The following TBC1D22A variants were observed in gnomAD, a reference collection of about 807,000 sequenced individuals.
TBC1D22A encodes the protein putative GTPase activator.
In TBC1D22A, 38 loss-of-function variants were observed where a neutral mutation model predicts 60.2. The observed-to-expected ratio is 0.63, with a 90% CI of 0.49 to 0.83. The LOEUF (loss-of-function observed/expected upper bound fraction) is 0.83, where lower values mean the gene tolerates loss of function less well. Ranked by LOEUF, TBC1D22A falls within the 40% of genes least tolerant of loss-of-function variation. TBC1D22A has a pLI of 0.00. For missense variants in TBC1D22A, 628 were observed against 701.0 expected (o/e 0.90, Z 1.18); for synonymous variants, 302 against 281.7 (o/e 1.07, Z -0.72).
At chr22:46,770,405 G>A (rs987695168) in intron 1 of TBC1D22A, among the ~76,000 whole-genome samples, 4 of 152,222 alleles carry the variant, frequency 2.6e-5, no homozygotes, top group Admixed American at 1.3e-4. Flanking sequence ...GACCCATGCC[G>A]GATTTCTGAC....
intron 7 of TBC1D22A, among the ~76,000 whole-genome samples, chr22:46,900,196 T>A (rs189684230): frequency 6.6e-6 from 1 of 151,390 alleles, no homozygotes; most frequent in Non-Finnish European, 1.5e-5. Flanking sequence ...TTGCCTAGGC[T>A]GCTGGAGTGC....
chr22:47,072,633 C>T (rs1943319809), intron 11 of TBC1D22A, among the ~76,000 whole-genome samples: 1 of 152,232 alleles, frequency 6.6e-6, no homozygotes, highest in Admixed American at 6.5e-5. Context: ...GGCTCTACAT[C>T]CCACACCCTG....
chr22:46,873,751 C>T (rs2067402428), intron 4 of TBC1D22A, among the ~76,000 whole-genome samples: 1 of 152,052 alleles, frequency 6.6e-6, no homozygotes, highest in Non-Finnish European at 1.5e-5. Context: ...ATAATGACCT[C>T]CAGCTCCATC....
intron 4 of TBC1D22A, among the ~76,000 whole-genome samples, chr22:46,800,801 G>A (rs61149518): frequency 3.9e-5 from 6 of 152,244 alleles, no homozygotes; most frequent in African/African-American, 9.6e-5. Flanking sequence ...TGCTATTGAC[G>A]TATATGGTCA....
chr22:47,072,904 G>C (rs1376339865), intron 11 of TBC1D22A, among the ~76,000 whole-genome samples: 4 of 152,256 alleles, frequency 2.6e-5, no homozygotes, highest in African/African-American at 9.6e-5. Context: ...CCCAGCTGCA[G>C]ACAAGGGAGG....
At chr22:46,983,800 A>C (rs938523439) in intron 9 of TBC1D22A, among the ~76,000 whole-genome samples, 3 of 150,894 alleles carry the variant, frequency 2.0e-5, no homozygotes, top group Non-Finnish European at 4.4e-5. Flanking sequence ...TGTTTCTTTC[A>C]GTGGTTTCAT....
At chr22:46,842,232 A>G (rs1448926074) in intron 4 of TBC1D22A, among the ~76,000 whole-genome samples, 1 of 152,274 alleles carries the variant, frequency 6.6e-6, no homozygotes, top group African/African-American at 2.4e-5. Context: ...CTTTGGGGCC[A>G]TTTGAATGAT....
intron 4 of TBC1D22A, among the ~76,000 whole-genome samples, chr22:46,874,516 G>A (rs1427777290): frequency 7.0e-6 from 1 of 142,412 alleles, no homozygotes; most frequent in East Asian, 2.3e-4. Context: ...CTAACGATCA[G>A]TGATGTTGAG....
intron 8 of TBC1D22A, among the ~76,000 whole-genome samples, chr22:46,952,166 C>T (rs1009698262): frequency 3.1e-5 from 4 of 130,718 alleles, no homozygotes; most frequent in Non-Finnish European, 5.2e-5. Flanking sequence ...TTGCAGCCAT[C>T]ATATCCCTCA....
intron 9 of TBC1D22A, among the ~76,000 whole-genome samples, chr22:46,982,673 A>G (rs1324533347): frequency 6.6e-6 from 1 of 152,196 alleles, no homozygotes; most frequent in African/African-American, 2.4e-5. Context: ...TGAACAACGA[A>G]TCGATGTCAT....
intron 4 of TBC1D22A, among the ~76,000 whole-genome samples, chr22:46,877,650 G>A (rs1014050538): frequency 1.3e-5 from 2 of 152,102 alleles, no homozygotes; most frequent in Non-Finnish European, 2.9e-5. Context: ...TTAGATGTCA[G>A]GACTTTGTAT....
chr22:47,054,580 A>G (rs1045717414), intron 11 of TBC1D22A, among the ~76,000 whole-genome samples: 1 of 152,162 alleles, frequency 6.6e-6, no homozygotes, highest in Non-Finnish European at 1.5e-5. Context: ...GCGGCAGCTC[A>G]TTGCTATTCC....
intron 11 of TBC1D22A, among the ~76,000 whole-genome samples, chr22:47,097,321 G>C (rs191844484): frequency 6.6e-6 from 1 of 152,268 alleles, no homozygotes; most frequent in East Asian, 1.9e-4. Context: ...TTTATTAGAA[G>C]TGCATTGAAT....
At chr22:46,945,363 C>T (rs569201922) in intron 8 of TBC1D22A, among the ~76,000 whole-genome samples, 8 of 152,288 alleles carry the variant, frequency 5.3e-5, no homozygotes, top group South Asian at 2.1e-4. Flanking sequence ...GTGGTGGAGG[C>T]GGCAGCTGAC....
intron 8 of TBC1D22A, among the ~76,000 whole-genome samples, chr22:46,970,560 C>T (rs2074007352): frequency 6.6e-6 from 1 of 152,166 alleles, no homozygotes; most frequent in South Asian, 2.1e-4. Flanking sequence ...CTGGTCAATG[C>T]AGGCCCCAGC....
intron 1 of TBC1D22A, among the ~76,000 whole-genome samples, chr22:46,779,686 T>C (rs573318915): frequency 6.6e-6 from 1 of 152,234 alleles, no homozygotes; most frequent in East Asian, 1.9e-4. Flanking sequence ...TTTCCAGAGA[T>C]GTCCGTTTGA....
chr22:47,003,102 C>T (rs2061450529), intron 10 of TBC1D22A, among the ~76,000 whole-genome samples: 1 of 152,096 alleles, frequency 6.6e-6, no homozygotes, highest in Non-Finnish European at 1.5e-5. Context: ...CCAAACTGAG[C>T]AAATAAAAAT....
At chr22:47,082,689 A>C (rs2064518913) in intron 11 of TBC1D22A, among the ~76,000 whole-genome samples, 1 of 152,228 alleles carries the variant, frequency 6.6e-6, no homozygotes, top group Non-Finnish European at 1.5e-5. Flanking sequence ...GTACTACTAC[A>C]CGCCCTCCTT....
chr22:46,810,516 T>A (rs542527767), intron 4 of TBC1D22A, among the ~76,000 whole-genome samples: 6 of 152,350 alleles, frequency 3.9e-5, no homozygotes, highest in Non-Finnish European at 7.4e-5. Flanking sequence ...AATCATCTTT[T>A]ATTTTATTAT....
Sources: allele counts gnomAD v4.1 joint callset (sites outside exome capture counted in the v4.1 genomes callset), GRCh38; gene constraint gnomAD v4.1.1; transcripts MANE v1.5; gene names NCBI Gene and HGNC (gene_info 2026-07-23, HGNC 2026-07-21).